PDE12: variants seen among roughly 807,000 people sequenced by gnomAD.
The protein encoded by PDE12 is phosphodiesterase 12, also known as 2',5'-phosphodiesterase 12.
In PDE12, 26 loss-of-function variants were observed where a neutral mutation model predicts 45.4. That is an observed-to-expected ratio of 0.57 (90% CI 0.42 to 0.79). The LOEUF (loss-of-function observed/expected upper bound fraction) is 0.79, where lower values mean the gene tolerates loss of function less well. Ranked by LOEUF, PDE12 falls within the 30% of genes least tolerant of loss-of-function variation. The probability of loss-of-function intolerance (pLI) is 0.00; values close to 1 mark genes in which losing one functional copy is unlikely to be tolerated. For missense variants in PDE12, 668 were observed against 790.0 expected (o/e 0.85, Z 1.85); for synonymous variants, 283 against 323.9 (o/e 0.87, Z 1.36).
At chr3:57,613,630 G>T in the PDE12 span, among the ~76,000 whole-genome samples, 8 of 151,860 alleles carry the variant, frequency 5.3e-5, no homozygotes, top group Non-Finnish European at 8.8e-5. Flanking sequence ...CTGGGCACCT[G>T]TGGCTCACGC....
the PDE12 span, among the ~76,000 whole-genome samples, chr3:57,612,504 G>A: frequency 6.6e-6 from 1 of 152,102 alleles, no homozygotes; most frequent in African/African-American, 2.4e-5. Flanking sequence ...CCATTATGGT[G>A]GCTCATGCCT....
the PDE12 span, among the ~76,000 whole-genome samples, chr3:57,613,071 C>T: frequency 1.3e-5 from 2 of 151,836 alleles, no homozygotes; most frequent in Non-Finnish European, 2.9e-5. Flanking sequence ...GCCTCCACCT[C>T]CCGGGTTCAA....
the PDE12 span, among the ~76,000 whole-genome samples, chr3:57,582,245 C>T: frequency 6.6e-6 from 1 of 151,688 alleles, no homozygotes; most frequent in Non-Finnish European, 1.5e-5. Flanking sequence ...AAACATTCTA[C>T]TATTTTTTTT....
At chr3:57,580,326 T>G in the PDE12 span, among the ~76,000 whole-genome samples, 4 of 152,232 alleles carry the variant, frequency 2.6e-5, no homozygotes, top group South Asian at 8.3e-4. Context: ...GGGCATTTAT[T>G]TAGCAAATAT....
chr3:57,591,791 T>C, the PDE12 span, among the ~76,000 whole-genome samples: 2 of 152,104 alleles, frequency 1.3e-5, no homozygotes, highest in Non-Finnish European at 2.9e-5. Flanking sequence ...GACAACATCA[T>C]GCCAAGTGAA....
chr3:57,583,753 G>T, the PDE12 span: 2 of 650,940 alleles, frequency 3.1e-6, no homozygotes, highest in African/African-American at 3.7e-5. Context: ...CTAAGTGAGA[G>T]TCCACTGAAG....
chr3:57,613,719 T>C, the PDE12 span, among the ~76,000 whole-genome samples: 1 of 151,024 alleles, frequency 6.6e-6, no homozygotes, highest in African/African-American at 2.4e-5. Context: ...GCTAACACGG[T>C]GAAACCCCGT....
the PDE12 span, among the ~76,000 whole-genome samples, chr3:57,590,922 T>A: frequency 6.6e-6 from 1 of 152,326 alleles, no homozygotes; most frequent in South Asian, 2.1e-4. Flanking sequence ...AAAATAATAA[T>A]TTAAAATTGA....
At chr3:57,653,276 AG>A in the PDE12 span, among the ~76,000 whole-genome samples, 1 of 152,218 alleles carries the variant, frequency 6.6e-6, no homozygotes, top group Non-Finnish European at 1.5e-5. Context: ...TTGTCTTTCA[AG>A]TATATTAATA....
the PDE12 span, among the ~76,000 whole-genome samples, chr3:57,641,319 A>G: frequency 6.9e-6 from 1 of 144,174 alleles, no homozygotes. Context: ...ATTTATATTC[A>G]ATATATTATA....
the PDE12 span, among the ~76,000 whole-genome samples, chr3:57,589,595 G>A: frequency 6.7e-6 from 1 of 149,470 alleles, no homozygotes; most frequent in Non-Finnish European, 1.5e-5. Flanking sequence ...GCTGGCGCCT[G>A]TAAACCCAGC....
At chr3:57,617,709 T>A in the PDE12 span, among the ~76,000 whole-genome samples, 3 of 151,790 alleles carry the variant, frequency 2.0e-5, no homozygotes, top group African/African-American at 7.3e-5. Context: ...CAAAGAAATT[T>A]TTTTTAAATT....
the PDE12 span, chr3:57,597,121 G>A: frequency 6.2e-7 from 1 of 1,614,158 alleles, no homozygotes; most frequent in African/African-American, 1.3e-5. Flanking sequence ...GGAGAAGAGG[G>A]AGGAGATAGT....
chr3:57,594,620 T>G, the PDE12 span, among the ~76,000 whole-genome samples: 1 of 152,236 alleles, frequency 6.6e-6, no homozygotes, highest in African/African-American at 2.4e-5. Flanking sequence ...AACTTCTCCA[T>G]AGTAGTTTGG....
the PDE12 span, among the ~76,000 whole-genome samples, chr3:57,632,416 C>A: frequency 1.3e-5 from 2 of 151,914 alleles, no homozygotes; most frequent in Non-Finnish European, 2.9e-5. Context: ...AAGTCCTGGC[C>A]TTAAGCAATC....
At chr3:57,634,735 C>A in the PDE12 span, 1 of 1,571,338 alleles carries the variant, frequency 6.4e-7, no homozygotes. Context: ...TTAGATTCTT[C>A]AGTTTTTTCA....
At position 57,556,522 on chromosome 3, in the gene PDE12, A is replaced by C. The variant is rs1223808243; in HGVS notation, c.143A>C (p.Lys48Thr). The change falls in exon 1 of 3, where the codon AAG (lysine) becomes ACG (threonine). Residue 48 changes from lysine (K) to threonine (T), a missense_variant. Lys to Thr is a moderately conservative substitution (Grantham distance 78, BLOSUM62 -1). Transcript: ENST00000311180. The surrounding 1 kb of genome is among the most constrained non-coding windows in gnomAD (Gnocchi z 5.0). ...GTGCGCTGCGTACCTTCGGAACCCAAGCTGAGCCTGTCATTCGCTTTGGCT... is the reference window on the plus strand; with the variant it reads ...GTGCGCTGCGTACCTTCGGAACCCACGCTGAGCCTGTCATTCGCTTTGGCT... ...AVVRCVPSEP[K>T]LSLSFALADG... 14 of 1,613,536 alleles carry C rather than the reference A, an allele frequency of 8.7e-6. No individual in the cohort carries two copies. Among genetic ancestry groups the C allele is most frequent in the Non-Finnish European group, 1.2e-5 (14 of 1,179,984 alleles).
chr3:57,560,323 G>A lies in PDE12; in HGVS notation c.*319G>A. The A allele has an allele frequency of 9.4e-7, 1 of 1,069,292 alleles. No homozygotes were observed. The highest frequency in any genetic ancestry group is 1.1e-6 in the Non-Finnish European group (1 of 878,598). The allele number at this position is 1,069,292 out of a possible 1,614,324, so 66.2% of individuals were successfully genotyped here. A position where few individuals can be genotyped will look rare whatever the true frequency, so the allele number is the denominator to read the frequency against. ...GCGTGTTTTTTGTTTGTTTGTTTTT[G>A]TTTTTGTTTTTGTTTTTTTGAGATG... On this transcript the variant is annotated 3_prime_UTR_variant, in exon 3 of 3. Coordinates refer to ENST00000311180, the MANE Select transcript of PDE12 (RefSeq NM_177966.7).
the PDE12 span, among the ~76,000 whole-genome samples, chr3:57,630,115 A>T: frequency 1.3e-5 from 2 of 152,198 alleles, no homozygotes; most frequent in African/African-American, 4.8e-5. Flanking sequence ...AGTGGACTCC[A>T]GCACACTGTT....
Sources: gnomAD v4.1 joint callset for allele counts (sites outside exome capture counted in the v4.1 genomes callset) on GRCh38, gnomAD v4.1.1 for gene constraint, Gnocchi (gnomAD v3.1) non-coding constraint, MANE v1.5 for transcripts, NCBI Gene and HGNC (gene_info 2026-07-23, HGNC 2026-07-21) for gene names.